Variants in DNAJC15 observed in about 807,000 individuals in gnomAD.
DNAJC15 encodes the protein dnaJ homolog subfamily C member 15.
A neutral mutation model predicts 22.4 loss-of-function variants in DNAJC15; 27 were observed. The observed-to-expected ratio is 1.20, with a 90% CI of 0.89 to 1.66. DNAJC15 has a LOEUF of 1.66. DNAJC15 is among the 40% of genes most tolerant of loss of function. The pLI is 0.00. For missense variants in DNAJC15, 208 were observed against 187.1 expected (o/e 1.11, Z -0.65); for synonymous variants, 79 against 63.2 (o/e 1.25, Z -1.19).
rs2040822885 is a variant in DNAJC15 at position 43,111,137 on chromosome 13, A to G, written c.*3889A>G. 1 of 152,234 alleles carries G rather than the reference A, an allele frequency of 6.6e-6. No homozygotes were observed. Among genetic ancestry groups the G allele is most frequent in the Non-Finnish European group, 1.5e-5 (1 of 68,040 alleles). 9.4% of individuals were successfully genotyped at this position (152,234 alleles called of 1,614,324 possible). Reference sequence around the variant, plus strand: ...GGTGCCAGTCTTCAGCGTAAAGTCAAAAGTGGAGGGAAGTTTAGTAAGGAA... The same window carrying G: ...GGTGCCAGTCTTCAGCGTAAAGTCAGAAGTGGAGGGAAGTTTAGTAAGGAA... On this transcript the variant is annotated 3_prime_UTR_variant, in exon 6 of 6. Coordinates refer to ENST00000379221, the MANE Select transcript of DNAJC15 (RefSeq NM_013238.3).
At chr13:43,026,859 A>AC (rs1451993669) in intron 1 of DNAJC15, among the ~76,000 whole-genome samples, 1 of 152,112 alleles carries the variant, frequency 6.6e-6, no homozygotes, top group African/African-American at 2.4e-5. Context: ...ACATAGTGAG[A>AC]CCCCTGTCTT....
intron 5 of DNAJC15, among the ~76,000 whole-genome samples, chr13:43,096,483 A>G (rs534518329): frequency 6.6e-6 from 1 of 152,334 alleles, no homozygotes; most frequent in East Asian, 1.9e-4. Context: ...AATAGTATTC[A>G]GAGGAAATTG....
intron 1 of DNAJC15, among the ~76,000 whole-genome samples, chr13:43,045,515 G>A (rs9533357): frequency 0.24 from 36,258 of 152,076 alleles, 4,799 homozygotes; most frequent in Non-Finnish European, 0.3. Flanking sequence ...GATATGTGAC[G>A]GGGTTTCATG....
intron 3 of DNAJC15, among the ~76,000 whole-genome samples, chr13:43,072,064 C>A: frequency 6.6e-6 from 1 of 152,160 alleles, no homozygotes; most frequent in East Asian, 1.9e-4. Flanking sequence ...CTCCCGCATT[C>A]CTGCATACTC....
intron 4 of DNAJC15, among the ~76,000 whole-genome samples, chr13:43,084,589 A>C (rs2040678671): frequency 1.3e-5 from 2 of 152,214 alleles, no homozygotes; most frequent in Non-Finnish European, 2.9e-5. Flanking sequence ...TATTATCCCC[A>C]TTTGAGACTC....
chr13:43,027,814 G>A (rs1485435090), intron 1 of DNAJC15, among the ~76,000 whole-genome samples: 2 of 151,872 alleles, frequency 1.3e-5, no homozygotes, highest in Non-Finnish European at 1.5e-5. Flanking sequence ...CTGCCACCAC[G>A]CCCAGCTAAT....
chr13:43,057,272 C>T (rs1472168493), intron 1 of DNAJC15, among the ~76,000 whole-genome samples: 1 of 152,130 alleles, frequency 6.6e-6, no homozygotes, highest in Non-Finnish European at 1.5e-5. Flanking sequence ...TAACGTAATC[C>T]CAAACTTCTT....
chr13:43,104,639 T>C (rs1037527604), intron 5 of DNAJC15, among the ~76,000 whole-genome samples: 2 of 151,968 alleles, frequency 1.3e-5, no homozygotes, highest in African/African-American at 4.8e-5. Flanking sequence ...CCTAGAAAAC[T>C]GAGAGGGGTT....
chr13:43,085,218 G>A (rs192836134), intron 4 of DNAJC15, among the ~76,000 whole-genome samples: 65 of 152,122 alleles, frequency 4.3e-4, no homozygotes, highest in Non-Finnish European at 7.2e-4. Flanking sequence ...AAAATTAGCC[G>A]GGTGTGGTGG....
chr13:43,099,475 G>A (rs1482698722), intron 5 of DNAJC15, among the ~76,000 whole-genome samples: 1 of 152,154 alleles, frequency 6.6e-6, no homozygotes, highest in Non-Finnish European at 1.5e-5. Context: ...TTAGGGAAAA[G>A]CATCCAGTCT....
At chr13:43,076,655 T>C (rs775207644) in intron 3 of DNAJC15, among the ~76,000 whole-genome samples, 15 of 152,230 alleles carry the variant, frequency 9.9e-5, no homozygotes, top group Non-Finnish European at 1.9e-4. Context: ...TGTAATCATA[T>C]ATGTGTATGT....
intron 5 of DNAJC15, among the ~76,000 whole-genome samples, chr13:43,086,662 G>A (rs1277323365): frequency 1.3e-5 from 2 of 152,092 alleles, no homozygotes; most frequent in African/African-American, 4.8e-5. Context: ...ATCTCTGTTG[G>A]TTTTTGCACT....
intron 1 of DNAJC15, among the ~76,000 whole-genome samples, chr13:43,060,587 A>G (rs2040553752): frequency 6.6e-6 from 1 of 152,198 alleles, no homozygotes; most frequent in South Asian, 2.1e-4. Context: ...AACACTCTTC[A>G]TTAAAAAATA....
At chr13:43,069,661 T>C (rs1312862129) in intron 3 of DNAJC15, among the ~76,000 whole-genome samples, 1 of 152,220 alleles carries the variant, frequency 6.6e-6, no homozygotes, top group Non-Finnish European at 1.5e-5. Context: ...CCCTGCAGCG[T>C]AAACATTGGC....
At chr13:43,026,176 A>C (rs1457384009) in intron 1 of DNAJC15, among the ~76,000 whole-genome samples, 1 of 152,250 alleles carries the variant, frequency 6.6e-6, no homozygotes, top group Admixed American at 6.5e-5. Flanking sequence ...AAAACAGTGG[A>C]ATCTCCCTCA....
At chr13:43,091,489 T>C (rs2040714850) in intron 5 of DNAJC15, among the ~76,000 whole-genome samples, 1 of 152,240 alleles carries the variant, frequency 6.6e-6, no homozygotes, top group African/African-American at 2.4e-5. Flanking sequence ...TCATTTCACC[T>C]AAAATTTCAG....
intron 1 of DNAJC15, among the ~76,000 whole-genome samples, chr13:43,063,959 C>T (rs2040571377): frequency 6.6e-6 from 1 of 152,226 alleles, no homozygotes; most frequent in African/African-American, 2.4e-5. Flanking sequence ...CTCAGCAGAA[C>T]ATTTGCTTTA....
At chr13:43,032,525 GATAAA>G (rs1394757511) in intron 1 of DNAJC15, among the ~76,000 whole-genome samples, 2 of 152,164 alleles carry the variant, frequency 1.3e-5, no homozygotes, top group African/African-American at 2.4e-5. Context: ...TGCTATTGGA[GATAAA>G]ATAAGTACTG....
chr13:43,112,425 C>A lies in DNAJC15; in HGVS notation c.*5177C>A, dbSNP rs973028546. The A allele has an allele frequency of 1.3e-5, 2 of 152,108 alleles. No homozygotes were observed. The highest frequency in any genetic ancestry group is 4.8e-5 in the African/African-American group (2 of 41,410). The allele number at this position is 152,108 out of a possible 1,614,324, so 9.4% of individuals were successfully genotyped here. A position where few individuals can be genotyped will look rare whatever the true frequency, so the allele number is the denominator to read the frequency against. On this transcript the variant is annotated 3_prime_UTR_variant, in exon 6 of 6. Coordinates refer to ENST00000379221, the MANE Select transcript of DNAJC15 (RefSeq NM_013238.3). ...TATGATCACTCAGGCTAGATGTTGGCCATAAATTTCAAATTAGTATCTCAA... is the reference window on the plus strand; with the variant it reads ...TATGATCACTCAGGCTAGATGTTGGACATAAATTTCAAATTAGTATCTCAA...
Sources: gnomAD v4.1 joint callset for allele counts (sites outside exome capture counted in the v4.1 genomes callset) on GRCh38, gnomAD v4.1.1 for gene constraint, MANE v1.5 for transcripts, NCBI Gene and HGNC (gene_info 2026-07-23, HGNC 2026-07-21) for gene names.